Variants in PRKN observed in about 807,000 individuals in gnomAD.
PRKN encodes E3 ubiquitin-protein ligase parkin.
Under a neutral mutation model 59.5 loss-of-function variants are expected in PRKN, and 56 were observed. The ratio of observed to expected loss-of-function variants is 0.94; its 90% CI spans 0.76 to 1.18. The LOEUF (loss-of-function observed/expected upper bound fraction) is 1.18. Ranked by LOEUF, PRKN falls within the 50% of genes most tolerant of loss-of-function variation. The pLI is 0.00. For missense variants in PRKN, 657 were observed against 596.4 expected, an observed-to-expected ratio of 1.10 and a Z score of -1.06; for synonymous variants, 250 against 222.1, an observed-to-expected ratio of 1.13 and a Z score of -1.12.
At chr6:162,569,133 C>T (rs562144433) in intron 1 of PRKN, 12 of 632,614 alleles carry the variant, frequency 1.9e-5, no homozygotes, top group Admixed American at 8.7e-5. Context: ...CAACCTCAGC[C>T]GGGCTGAGGC....
intron 1 of PRKN, among the ~76,000 whole-genome samples, chr6:162,662,883 C>G (rs756733044): frequency 6.6e-6 from 1 of 152,040 alleles, no homozygotes; most frequent in Non-Finnish European, 1.5e-5. Flanking sequence ...GATTCTGTTG[C>G]ACACTGTAGA....
chr6:161,420,281 G>A (rs1788038614), intron 9 of PRKN, among the ~76,000 whole-genome samples: 1 of 151,274 alleles, frequency 6.6e-6, no homozygotes, highest in Admixed American at 6.6e-5. Flanking sequence ...AAAAAACCCT[G>A]ATTTTTGAAA....
chr6:162,018,415 G>C (rs1783010699), intron 5 of PRKN, among the ~76,000 whole-genome samples: 1 of 152,168 alleles, frequency 6.6e-6, no homozygotes, highest in African/African-American at 2.4e-5. Flanking sequence ...CCCATTCTTG[G>C]GAGATGTGGT....
Position 161,592,058 on chromosome 6 carries a change from C to A in PRKN, c.872-22642G>T, listed in dbSNP as rs905694544. Among the ~76,000 whole-genome samples the A allele has an allele frequency of 4.6e-5, 7 of 152,168 alleles. No homozygotes were observed. The highest frequency in any genetic ancestry group is 2.6e-4 in the Admixed American group (4 of 15,278). On this transcript the variant is annotated intron_variant, in intron 7 of 11. Transcript: ENST00000366898. This position sits in a 1 kb window ranked among gnomAD's most constrained non-coding sequence, Gnocchi z 4.8. ...GCACATCCTCCCATATACTTAAAAT[C>A]ATCCCTAGATTATGTATATCTAATA...
rs138621549 is a variant in PRKN, at chr6:161,441,214, G to A, written c.1084-54337C>T. ...GCAAGAAAGAGCAGCTCAGCTCTGC[G>A]GAGAAGCATGGTGCTCAGCCATCAC... On this transcript the variant is annotated intron_variant, in intron 9 of 11. Transcript: ENST00000366898. Among the ~76,000 whole-genome samples the A allele has an allele frequency of 4.0e-3, 608 of 152,328 alleles. 3 individuals carry two copies. Among genetic ancestry groups the A allele is most frequent in the African/African-American group, 0.014 (587 of 41,564 alleles).
chr6:161,932,217 C>T (rs1779192190), intron 6 of PRKN, among the ~76,000 whole-genome samples: 1 of 151,812 alleles, frequency 6.6e-6, no homozygotes, highest in Admixed American at 6.6e-5. Context: ...TCTGATGTAT[C>T]GTGTTAATTA....
chr6:161,807,747 C>A (rs1791396127), intron 6 of PRKN, among the ~76,000 whole-genome samples: 1 of 152,192 alleles, frequency 6.6e-6, no homozygotes, highest in Admixed American at 6.5e-5. Flanking sequence ...TGTCTCTCGT[C>A]CTATAAGGAC....
intron 4 of PRKN, among the ~76,000 whole-genome samples, chr6:162,129,662 A>G (rs1781265397): frequency 6.6e-6 from 1 of 152,170 alleles, no homozygotes; most frequent in Non-Finnish European, 1.5e-5. Context: ...AAATATACTA[A>G]TTTCATTTTC....
intron 2 of PRKN, among the ~76,000 whole-genome samples, chr6:162,319,930 C>T (rs904833955): frequency 6.6e-6 from 1 of 151,762 alleles, no homozygotes; most frequent in African/African-American, 2.4e-5. Flanking sequence ...ATACATTGTA[C>T]TCATTAGGTA....
rs539619651 is a variant in PRKN, at chr6:161,832,421, C to G, written c.735-46513G>C. On this transcript the variant is annotated intron_variant, in intron 6 of 11. Coordinates refer to ENST00000366898, the MANE Select transcript of PRKN (RefSeq NM_004562.3). ...TGGGCAGATTCTGAGGTCAGGAGATCGAGACCATCCTGGCCAACATGGTGA... is the reference window on the plus strand; with the variant it reads ...TGGGCAGATTCTGAGGTCAGGAGATGGAGACCATCCTGGCCAACATGGTGA... Among the ~76,000 whole-genome samples, 4 of 151,942 alleles carry G rather than the reference C, an allele frequency of 2.6e-5. No individual in the cohort carries two copies. The East Asian group carries it at 7.8e-4, about 30-fold the overall frequency.
At chr6:161,926,852 A>G (rs954607012) in intron 6 of PRKN, among the ~76,000 whole-genome samples, 1 of 140,012 alleles carries the variant, frequency 7.1e-6, no homozygotes. Flanking sequence ...AAGTGGTACA[A>G]CAAGGGCAAG....
intron 5 of PRKN, among the ~76,000 whole-genome samples, chr6:162,042,938 C>T (rs1784120041): frequency 6.6e-6 from 1 of 152,110 alleles, no homozygotes; most frequent in African/African-American, 2.4e-5. Flanking sequence ...CTACATTAGT[C>T]CATTTGCATG....
intron 6 of PRKN, among the ~76,000 whole-genome samples, chr6:161,894,885 C>T (rs1227651794): frequency 6.6e-6 from 1 of 152,104 alleles, no homozygotes; most frequent in Non-Finnish European, 1.5e-5. Context: ...ATGATTTGGT[C>T]CTGTTCTAAA....
At chr6:161,761,199 C>A (rs76115061) in intron 7 of PRKN, among the ~76,000 whole-genome samples, 2,999 of 152,282 alleles carry the variant, frequency 0.02, 67 homozygotes, top group South Asian at 0.071. Flanking sequence ...TAAATCAATT[C>A]TTTATTGTCA....
At chr6:161,662,402 A>ATGG (rs1784581033) in intron 7 of PRKN, among the ~76,000 whole-genome samples, 2 of 151,956 alleles carry the variant, frequency 1.3e-5, no homozygotes, top group Admixed American at 6.5e-5. Context: ...GTTTCGAGGG[A>ATGG]TGGTGGTGGT....
intron 6 of PRKN, among the ~76,000 whole-genome samples, chr6:161,797,128 G>T (rs945223907): frequency 1.3e-5 from 2 of 152,176 alleles, no homozygotes; most frequent in African/African-American, 4.8e-5. Flanking sequence ...GTTTTAAAAA[G>T]ATACATCTTT....
At chr6:162,082,620 T>C (rs571060862) in intron 4 of PRKN, among the ~76,000 whole-genome samples, 33 of 152,264 alleles carry the variant, frequency 2.2e-4, no homozygotes, top group Non-Finnish European at 4.3e-4. Context: ...GCCTAGCATT[T>C]GGTCTATATT....
intron 1 of PRKN, among the ~76,000 whole-genome samples, chr6:162,616,093 G>T (rs2803049): frequency 0.61 from 93,127 of 151,912 alleles, 29,249 homozygotes; most frequent in African/African-American, 0.75. Context: ...TAAATATTAG[G>T]GTATCCAAAT....
chr6:162,616,761 T>C (rs1046664237), intron 1 of PRKN, among the ~76,000 whole-genome samples: 2 of 152,180 alleles, frequency 1.3e-5, no homozygotes, highest in African/African-American at 4.8e-5. Flanking sequence ...TCTTGACATA[T>C]ACATTATGTA....
Sources: gnomAD v4.1 joint callset for allele counts (sites outside exome capture counted in the v4.1 genomes callset) on GRCh38, gnomAD v4.1.1 for gene constraint, Gnocchi (gnomAD v3.1) non-coding constraint, MANE v1.5 for transcripts, NCBI Gene and HGNC (gene_info 2026-07-23, HGNC 2026-07-21) for gene names.